ZSWIM5: variants seen among roughly 807,000 people sequenced by gnomAD.
The protein encoded by ZSWIM5 is zinc finger SWIM domain-containing protein 5.
In ZSWIM5, 55 loss-of-function variants were observed where a neutral mutation model predicts 119.6. The observed-to-expected ratio is 0.46, with a 90% CI of 0.37 to 0.58. The LOEUF (loss-of-function observed/expected upper bound fraction) is 0.58. ZSWIM5 is among the 20% of genes least tolerant of loss of function. ZSWIM5 has a pLI of 0.00. For synonymous variants in ZSWIM5, 537 were observed against 606.9 expected (o/e 0.88, Z 1.69); for missense variants, 1,193 against 1,512.8 (o/e 0.79, Z 3.51).
intron 1 of ZSWIM5, among the ~76,000 whole-genome samples, chr1:45,117,432 T>A (rs1645564933): frequency 1.3e-5 from 2 of 152,140 alleles, no homozygotes. Context: ...CCCAGAACGT[T>A]GGGAGGCCAA....
chr1:45,039,870 A>G (rs986156856), intron 7 of ZSWIM5, among the ~76,000 whole-genome samples: 5 of 151,674 alleles, frequency 3.3e-5, no homozygotes, highest in Non-Finnish European at 2.9e-5. Context: ...ACGCCCAGCT[A>G]ATTTTTTGTA....
At chr1:45,061,156 A>G (rs563523555) in intron 2 of ZSWIM5, among the ~76,000 whole-genome samples, 1 of 152,260 alleles carries the variant, frequency 6.6e-6, no homozygotes, top group South Asian at 2.1e-4. Context: ...CTCCTTACTC[A>G]CAGTTGAATC....
chr1:45,203,974 T>C (rs1318976276), intron 1 of ZSWIM5, among the ~76,000 whole-genome samples: 2 of 152,128 alleles, frequency 1.3e-5, no homozygotes, highest in African/African-American at 2.4e-5. Flanking sequence ...TTTATATGTG[T>C]CTTCTGAAAC....
At chr1:45,134,327 C>T (rs1645676859) in intron 1 of ZSWIM5, among the ~76,000 whole-genome samples, 1 of 152,080 alleles carries the variant, frequency 6.6e-6, no homozygotes, top group Non-Finnish European at 1.5e-5. Flanking sequence ...AAATAAATAA[C>T]TTTTAAACTA....
chr1:45,163,615 TA>T (rs1211628234), intron 1 of ZSWIM5, among the ~76,000 whole-genome samples: 8 of 152,150 alleles, frequency 5.3e-5, no homozygotes, highest in African/African-American at 1.9e-4. Flanking sequence ...ATAAACAGCA[TA>T]GAGAAGACCT....
intron 7 of ZSWIM5, 58 bp from the exon 8 acceptor site, chr1:45,039,131 C>G (rs528878468): frequency 1.3e-6 from 2 of 1,589,074 alleles, no homozygotes; most frequent in Admixed American, 3.4e-5. Context: ...CTGTCTGTCC[C>G]TGCCTGGGTC....
chr1:45,155,004 A>T (rs1159498040), intron 1 of ZSWIM5, among the ~76,000 whole-genome samples: 1 of 152,220 alleles, frequency 6.6e-6, no homozygotes, highest in Non-Finnish European at 1.5e-5. Context: ...CCAACAACCC[A>T]AAAGCAAATG....
intron 8 of ZSWIM5, among the ~76,000 whole-genome samples, chr1:45,037,838 G>A (rs1176633512): frequency 6.6e-6 from 1 of 152,138 alleles, no homozygotes; most frequent in Non-Finnish European, 1.5e-5. Context: ...CTCCACCAGT[G>A]GGTGCACAAT....
chr1:45,175,020 G>T (rs141431519), intron 1 of ZSWIM5, among the ~76,000 whole-genome samples: 27 of 152,150 alleles, frequency 1.8e-4, no homozygotes, highest in African/African-American at 6.5e-4. Flanking sequence ...CCCCAAAAAT[G>T]TCCCCATAAG....
At position 45,018,575 on chromosome 1, in the gene ZSWIM5, C is replaced by T. The variant is rs777298195; in HGVS notation, c.3437G>A (p.Arg1146Gln). The T allele has an allele frequency of 5.6e-6, 9 of 1,614,056 alleles. No individual in the cohort carries two copies. The highest frequency in any genetic ancestry group is 1.6e-4 in the Middle Eastern group (1 of 6,084). The change falls in exon 14 of 14, where the codon CGG becomes CAG. Residue 1146 changes from arginine to glutamine, a missense_variant. Arg to Gln is a conservative substitution (Grantham distance 43, BLOSUM62 1). Coordinates refer to ENST00000359600, the MANE Select transcript of ZSWIM5 (RefSeq NM_020883.2). The surrounding 1 kb of genome is among the most constrained non-coding windows in gnomAD (Gnocchi z 6.7). ...GEFIEFLSKA[R>Q]ETFLLPQDGH... is the part of the protein sequence containing the mutation. ...ATCCTGGGGCAGCAGGAAGGTCTCC[C>T]GAGCCTTGCTTAGAAACTCAATGAA... is the stretch of plus-strand genomic sequence containing the variant.
chr1:45,047,501 TG>T (rs1645063159), intron 5 of ZSWIM5, among the ~76,000 whole-genome samples: 1 of 152,206 alleles, frequency 6.6e-6, no homozygotes, highest in African/African-American at 2.4e-5. Context: ...GAGTGTTTTT[TG>T]TTTTGTTTTG....
At chr1:45,121,567 C>T (rs1557772390) in intron 1 of ZSWIM5, among the ~76,000 whole-genome samples, 1 of 151,200 alleles carries the variant, frequency 6.6e-6, no homozygotes, top group Non-Finnish European at 1.5e-5. Context: ...TCTTTATCCA[C>T]TCATTTATAG....
intron 1 of ZSWIM5, among the ~76,000 whole-genome samples, chr1:45,153,823 T>A (rs1490446328): frequency 6.6e-6 from 1 of 152,122 alleles, no homozygotes; most frequent in Non-Finnish European, 1.5e-5. Flanking sequence ...TTGCATCTGA[T>A]GATATGACTG....
chr1:45,143,622 ACT>A (rs34072266), intron 1 of ZSWIM5, among the ~76,000 whole-genome samples: 22,831 of 152,014 alleles, frequency 0.15, 1,771 homozygotes, highest in Non-Finnish European at 0.16. Flanking sequence ...AATGATGTAC[ACT>A]CTCCCCATTC....
intron 1 of ZSWIM5, among the ~76,000 whole-genome samples, chr1:45,165,723 T>A (rs1645897570): frequency 6.6e-6 from 1 of 151,724 alleles, no homozygotes; most frequent in Non-Finnish European, 1.5e-5. Context: ...CTAGAAAAAA[T>A]GGATAAATTC....
intron 1 of ZSWIM5, among the ~76,000 whole-genome samples, chr1:45,178,317 G>A (rs1273748671): frequency 2.6e-5 from 4 of 152,072 alleles, no homozygotes; most frequent in Admixed American, 6.6e-5. Flanking sequence ...CCACCTACTC[G>A]ACCGACTGAG....
chr1:45,115,330 C>T (rs1645546519), intron 1 of ZSWIM5, among the ~76,000 whole-genome samples: 2 of 152,242 alleles, frequency 1.3e-5, no homozygotes, highest in South Asian at 4.1e-4. Context: ...AGACGCTCCT[C>T]ATTTCCCAGA....
chr1:45,031,839 CAA>C (rs71040536), intron 11 of ZSWIM5, among the ~76,000 whole-genome samples: 51 of 98,906 alleles, frequency 5.2e-4, no homozygotes, highest in South Asian at 1.8e-3. Context: ...GACTCCATCT[CAA>C]AAAAAAAAAA....
chr1:45,132,001 T>C (rs1249028699), intron 1 of ZSWIM5, among the ~76,000 whole-genome samples: 1 of 150,850 alleles, frequency 6.6e-6, no homozygotes, highest in African/African-American at 2.4e-5. Flanking sequence ...ACTTGACGGA[T>C]ACTAAGGAGT....
Sources: gnomAD v4.1 joint callset for allele counts (sites outside exome capture counted in the v4.1 genomes callset) on GRCh38, gnomAD v4.1.1 for gene constraint, Gnocchi (gnomAD v3.1) non-coding constraint, MANE v1.5 for transcripts, NCBI Gene and HGNC (gene_info 2026-07-23, HGNC 2026-07-21) for gene names.